MCC: variants seen among roughly 807,000 people sequenced by gnomAD.
MCC encodes the protein colorectal mutant cancer protein.
MCC carries 90 observed loss-of-function variants against 116.2 expected under a neutral mutation model. That is an observed-to-expected ratio of 0.77 (90% CI 0.65 to 0.92). The LOEUF (loss-of-function observed/expected upper bound fraction) is 0.92. Ranked by LOEUF, MCC falls within the 40% of genes least tolerant of loss-of-function variation. The pLI, the probability that MCC is intolerant of heterozygous loss-of-function variation, is 0.00. For missense variants in MCC, 1,516 were observed against 1,312.2 expected (o/e 1.16, Z -2.40); for synonymous variants, 578 against 510.5 (o/e 1.13, Z -1.78).
At chr5:113,120,405 C>G (rs1581103356) in intron 6 of MCC, among the ~76,000 whole-genome samples, 1 of 152,232 alleles carries the variant, frequency 6.6e-6, no homozygotes, top group African/African-American at 2.4e-5. Context: ...ACATACAGCT[C>G]TCAATGGCTT....
chr5:113,087,400 G>C (rs113807480), intron 8 of MCC, among the ~76,000 whole-genome samples: 1 of 152,160 alleles, frequency 6.6e-6, no homozygotes, highest in Non-Finnish European at 1.5e-5. Context: ...ATAGCCTAAA[G>C]AATAGGAAAA....
chr5:113,364,425 C>T (rs1474920373), intron 2 of MCC, among the ~76,000 whole-genome samples: 1 of 152,204 alleles, frequency 6.6e-6, no homozygotes, highest in Admixed American at 6.5e-5. Context: ...GCAGCTCTGC[C>T]CCTACAGCTT....
intron 1 of MCC, among the ~76,000 whole-genome samples, chr5:113,415,551 G>C (rs1261651305): frequency 6.6e-6 from 1 of 151,958 alleles, no homozygotes; most frequent in Non-Finnish European, 1.5e-5. Context: ...TCTTCCACTT[G>C]ATCGAATTGG....
chr5:113,186,803 G>A lies in MCC; in HGVS notation c.628-35381C>T, dbSNP rs1413012413. On this transcript the variant is annotated intron_variant, in intron 3 of 18. Coordinates refer to ENST00000408903, the MANE Select transcript of MCC (RefSeq NM_001085377.2). ...TCCTATCTTGCTTTATTTCAGAGCAGTGGTTCTCAACCACATGCAAGTTTG... is the reference window on the plus strand; with the variant it reads ...TCCTATCTTGCTTTATTTCAGAGCAATGGTTCTCAACCACATGCAAGTTTG... 2.6e-5 allele frequency among the ~76,000 whole-genome samples: 4 copies of A among 152,230 alleles called. No homozygotes were observed. In the East Asian group the frequency reaches 7.7e-4, roughly 29 times the overall value.
chr5:113,377,952 G>C (rs1229008874), intron 2 of MCC, among the ~76,000 whole-genome samples: 1 of 152,092 alleles, frequency 6.6e-6, no homozygotes, highest in Admixed American at 6.5e-5. Flanking sequence ...CCTTCAAATG[G>C]GGCTGAAGGC....
intron 3 of MCC, among the ~76,000 whole-genome samples, chr5:113,198,180 T>C (rs1762507782): frequency 6.6e-6 from 1 of 152,226 alleles, no homozygotes; most frequent in Non-Finnish European, 1.5e-5. Flanking sequence ...TTCAGCTTGT[T>C]CATGTCTTTG....
intron 17 of MCC, among the ~76,000 whole-genome samples, chr5:113,036,024 T>A (rs1751309859): frequency 1.7e-3 from 1 of 602 alleles, no homozygotes; most frequent in Non-Finnish European, 4.8e-3. Context: ...TTTTTTTTTT[T>A]TTTTTTTTTT....
At position 113,049,414 on chromosome 5, in the gene MCC, A is replaced by G; in HGVS notation, c.2449-115T>C. On this transcript the variant is annotated intron_variant, in intron 15 of 18. Coordinates refer to ENST00000408903, the MANE Select transcript of MCC (RefSeq NM_001085377.2). The stretch of plus-strand genomic sequence containing the variant: ...GCTATGACCCACAGGCCCATGGTAG[A>G]GTTCTCACTTTGAAGTTGGCAGTAG... 7 of 806,474 alleles carry G rather than the reference A, an allele frequency of 8.7e-6. No individual in the cohort carries two copies. The South Asian group carries it at 1.3e-4, about 15-fold the overall frequency. 50.0% of individuals were successfully genotyped at this position (806,474 alleles called of 1,614,324 possible). A position where few individuals can be genotyped will look rare whatever the true frequency, so the allele number is the denominator to read the frequency against.
chr5:113,151,164 A>G, intron 4 of MCC, 145 bp downstream of exon 4: 1 of 569,712 alleles, frequency 1.8e-6, no homozygotes, highest in Non-Finnish European at 3.1e-6. Context: ...CATTTGTTAC[A>G]GCAGCCAGAG....
intron 1 of MCC, 66 bp downstream of exon 1, chr5:113,488,179 A>T: frequency 6.7e-7 from 1 of 1,494,190 alleles, no homozygotes. Flanking sequence ...GGGGCAGAGC[A>T]GGGGTCAAGG....
At chr5:113,043,082 G>T (rs986821864) in intron 17 of MCC, among the ~76,000 whole-genome samples, 2 of 152,138 alleles carry the variant, frequency 1.3e-5, no homozygotes, top group African/African-American at 4.8e-5. Context: ...GAACTGGGGG[G>T]CGGTGAGGGG....
intron 2 of MCC, among the ~76,000 whole-genome samples, 162 bp downstream of exon 2, chr5:113,384,806 G>C (rs1769209765): frequency 6.6e-6 from 1 of 152,150 alleles, no homozygotes; most frequent in Non-Finnish European, 1.5e-5. Context: ...AGACAGAACT[G>C]GGGGAAACAG....
At chr5:113,104,491 C>G in intron 6 of MCC, 136 bp from the exon 7 acceptor site, 1 of 658,948 alleles carries the variant, frequency 1.5e-6, no homozygotes. Flanking sequence ...GCCAGCCTAA[C>G]CTCACAGGCA....
intron 5 of MCC, among the ~76,000 whole-genome samples, chr5:113,123,411 T>C (rs1757849501): frequency 6.6e-6 from 1 of 151,876 alleles, no homozygotes; most frequent in Non-Finnish European, 1.5e-5. Context: ...AACTAGGGGG[T>C]AGGAAGAGAG....
chr5:113,095,234 G>A (rs944965875), intron 8 of MCC, among the ~76,000 whole-genome samples: 3 of 152,172 alleles, frequency 2.0e-5, no homozygotes, highest in Non-Finnish European at 4.4e-5. Context: ...AGGGTGGACA[G>A]AAGGCTACAG....
intron 2 of MCC, among the ~76,000 whole-genome samples, chr5:113,382,892 TAGG>T (rs1164420285): frequency 6.6e-6 from 1 of 152,168 alleles, no homozygotes; most frequent in African/African-American, 2.4e-5. Context: ...GAGAAAGTGG[TAGG>T]AGGTTTCACA....
intron 3 of MCC, among the ~76,000 whole-genome samples, chr5:113,213,750 G>C (rs1763213474): frequency 6.6e-6 from 1 of 152,108 alleles, no homozygotes; most frequent in Non-Finnish European, 1.5e-5. Context: ...TCTAATTCCT[G>C]ACACGTGTTC....
In MCC at chr5:113,198,042, T is replaced by C. The variant is rs188063447; in HGVS notation, c.628-46620A>G. 2.3e-4 allele frequency among the ~76,000 whole-genome samples: 35 copies of C among 152,358 alleles called. No individual in the cohort carries two copies. The East Asian group carries it at 4.6e-3, about 20-fold the overall frequency. ...TAAGAACTGGTGGCCAGCCACGCTG[T>C]GAGCCTATATAATTCAGTTAACAGG... On this transcript the variant is annotated intron_variant, in intron 3 of 18. Transcript: ENST00000408903.
intron 4 of MCC, among the ~76,000 whole-genome samples, chr5:113,147,588 CAA>C (rs1759599119): frequency 1.3e-5 from 2 of 152,184 alleles, no homozygotes; most frequent in South Asian, 4.1e-4. Context: ...AATATGCTAA[CAA>C]GAGATGTTAC....
Sources: gnomAD v4.1 joint callset for allele counts (sites outside exome capture counted in the v4.1 genomes callset) on GRCh38, gnomAD v4.1.1 for gene constraint, MANE v1.5 for transcripts, NCBI Gene and HGNC (gene_info 2026-07-23, HGNC 2026-07-21) for gene names.